Variants in UNC5D observed in about 807,000 individuals in gnomAD.
The protein encoded by UNC5D is unc-5 netrin receptor D.
Under a neutral mutation model 105.4 loss-of-function variants are expected in UNC5D, and 39 were observed. The ratio of observed to expected loss-of-function variants is 0.37; its 90% CI spans 0.29 to 0.48. UNC5D has a LOEUF of 0.48. Among genes scored for constraint, UNC5D ranks in the 20% least tolerant of loss-of-function variants. The pLI is 0.98. For synonymous variants in UNC5D, 452 were observed against 450.4 expected (o/e 1.00, Z -0.04); for missense variants, 991 against 1,202.4 (o/e 0.82, Z 2.60).
chr8:35,783,750 G>T (rs1054296606), intron 16 of UNC5D, among the ~76,000 whole-genome samples: 3 of 152,170 alleles, frequency 2.0e-5, no homozygotes, highest in Non-Finnish European at 4.4e-5. Flanking sequence ...CCTAAAGAAA[G>T]GGTGGTATCT....
chr8:35,342,583 C>G (rs1170121909), intron 1 of UNC5D, among the ~76,000 whole-genome samples: 1 of 152,042 alleles, frequency 6.6e-6, no homozygotes, highest in East Asian at 1.9e-4. Flanking sequence ...CTAAGAAATA[C>G]TCAAGACCTC....
intron 4 of UNC5D, among the ~76,000 whole-genome samples, chr8:35,644,619 C>CA (rs370639267): frequency 8.1e-4 from 123 of 152,282 alleles, no homozygotes; most frequent in African/African-American, 2.7e-3. Context: ...AGGGAACACT[C>CA]AGAGTGCTCA....
chr8:35,373,038 C>A (rs1406376), intron 1 of UNC5D, among the ~76,000 whole-genome samples: 76,680 of 152,048 alleles, frequency 0.5, 19,635 homozygotes, highest in East Asian at 0.7. Flanking sequence ...TAAATGGAAT[C>A]TCAGTTCCCC....
chr8:35,651,519 A>G (rs539450587), intron 4 of UNC5D, among the ~76,000 whole-genome samples: 62 of 152,356 alleles, frequency 4.1e-4, no homozygotes, highest in African/African-American at 1.4e-3. Flanking sequence ...AATACAAAAG[A>G]GTATATGTAA....
At chr8:35,314,693 C>G (rs1809152648) in intron 1 of UNC5D, among the ~76,000 whole-genome samples, 1 of 152,140 alleles carries the variant, frequency 6.6e-6, no homozygotes, top group Non-Finnish European at 1.5e-5. Flanking sequence ...AGAGTCAACT[C>G]TTGTTGGTTC....
At chr8:35,700,485 T>G (rs1028672842) in intron 7 of UNC5D, among the ~76,000 whole-genome samples, 1 of 152,072 alleles carries the variant, frequency 6.6e-6, no homozygotes, top group Non-Finnish European at 1.5e-5. Flanking sequence ...TGTGTTTTAG[T>G]GACTATAAGT....
intron 8 of UNC5D, among the ~76,000 whole-genome samples, chr8:35,714,823 T>A (rs1038474284): frequency 1.3e-5 from 2 of 152,188 alleles, no homozygotes; most frequent in Non-Finnish European, 2.9e-5. Context: ...AAATAAGTGA[T>A]CATGCAACCT....
At chr8:35,550,039 T>C (rs181627506) in intron 2 of UNC5D, among the ~76,000 whole-genome samples, 25 of 148,636 alleles carry the variant, frequency 1.7e-4, no homozygotes, top group Admixed American at 2.7e-4. Flanking sequence ...TATGAAAGAA[T>C]TGTGGGACCA....
intron 1 of UNC5D, among the ~76,000 whole-genome samples, chr8:35,390,417 C>A (rs111945374): frequency 6.6e-6 from 1 of 151,916 alleles, no homozygotes. Context: ...TAGTATTACA[C>A]AAATGATGTC....
intron 15 of UNC5D, among the ~76,000 whole-genome samples, chr8:35,772,873 T>C (rs956233748): frequency 6.6e-6 from 1 of 151,792 alleles, no homozygotes; most frequent in Non-Finnish European, 1.5e-5. Flanking sequence ...GTCCCCATTT[T>C]CTTGCTGGCT....
chr8:35,399,199 C>G, intron 1 of UNC5D, among the ~76,000 whole-genome samples: 1 of 150,964 alleles, frequency 6.6e-6, no homozygotes, highest in Middle Eastern at 3.4e-3. Flanking sequence ...TTCCTCTCAC[C>G]ATTGGAGGGA....
chr8:35,762,794 C>A lies in UNC5D; in HGVS notation c.2313+3325C>A, dbSNP rs148123957. Among the ~76,000 whole-genome samples, 216 of 152,192 alleles carry A rather than the reference C, an allele frequency of 1.4e-3. 2 individuals carry two copies. In the East Asian group the frequency reaches 0.034, roughly 24 times the overall value. On this transcript the variant is annotated intron_variant, in intron 14 of 16. Transcript: ENST00000404895. ...TAAATTATTTATTTTTAAAAGCCAACAAAACACAAAGTCAAGTTGTCACCT... is the reference window on the plus strand; with the variant it reads ...TAAATTATTTATTTTTAAAAGCCAAAAAAACACAAAGTCAAGTTGTCACCT...
chr8:35,294,534 CTCTTGAA>C (rs1379587106), intron 1 of UNC5D, among the ~76,000 whole-genome samples: 1 of 152,052 alleles, frequency 6.6e-6, no homozygotes, highest in African/African-American at 2.4e-5. Context: ...GCTTTGCTTT[CTCTTGAA>C]TCTTGAATCT....
chr8:35,534,937 G>A (rs1028654263), intron 1 of UNC5D, among the ~76,000 whole-genome samples: 9 of 151,870 alleles, frequency 5.9e-5, no homozygotes, highest in Admixed American at 2.0e-4. Flanking sequence ...ATTTGCTCTA[G>A]ATGTTACCTC....
At chr8:35,456,478 G>A (rs571550383) in intron 1 of UNC5D, among the ~76,000 whole-genome samples, 1 of 152,300 alleles carries the variant, frequency 6.6e-6, no homozygotes, top group East Asian at 1.9e-4. Context: ...GCTCCTTTTT[G>A]TGGATGCCTG....
intron 9 of UNC5D, among the ~76,000 whole-genome samples, chr8:35,725,788 CCT>C (rs1228758751): frequency 3.3e-5 from 5 of 152,158 alleles, no homozygotes; most frequent in East Asian, 1.9e-4. Flanking sequence ...ATCTCTCCCC[CCT>C]CTTTTTTTGT....
intron 11 of UNC5D, among the ~76,000 whole-genome samples, chr8:35,734,731 T>G (rs1020189855): frequency 6.6e-6 from 1 of 151,674 alleles, no homozygotes; most frequent in Non-Finnish European, 1.5e-5. Context: ...TTTTTTACAT[T>G]TTATTGGGAA....
At chr8:35,523,108 G>T (rs1203164179) in intron 1 of UNC5D, among the ~76,000 whole-genome samples, 14 of 137,692 alleles carry the variant, frequency 1.0e-4, no homozygotes, top group Non-Finnish European at 1.7e-4. Flanking sequence ...TTTTGAGACT[G>T]GGTCTTGTTC....
intron 1 of UNC5D, among the ~76,000 whole-genome samples, chr8:35,321,135 C>A (rs1809710310): frequency 6.6e-6 from 1 of 152,004 alleles, no homozygotes; most frequent in Non-Finnish European, 1.5e-5. Context: ...ACTTTATAAC[C>A]CTTGGACCAC....
Sources: allele counts gnomAD v4.1 joint callset (sites outside exome capture counted in the v4.1 genomes callset), GRCh38; gene constraint gnomAD v4.1.1; transcripts MANE v1.5; gene names NCBI Gene and HGNC (gene_info 2026-07-23, HGNC 2026-07-21).